The following PRL variants were observed in gnomAD, a reference collection of about 807,000 sequenced individuals.
PRL encodes the protein decidual prolactin.
PRL carries 24 observed loss-of-function variants against 21.3 expected under a neutral mutation model. The observed-to-expected ratio is 1.13, with a 90% confidence interval of 0.82 to 1.59. The LOEUF is 1.59. Ranked by LOEUF, PRL falls within the 40% of genes most tolerant of loss-of-function variation. The pLI is 0.00. For synonymous variants in PRL, 118 were observed against 115.7 expected, an observed-to-expected ratio of 1.02 and a Z score of -0.13; for missense variants, 243 against 286.9, an observed-to-expected ratio of 0.85 and a Z score of 1.10.
In PRL at chr6:22,291,714, T is replaced by C. The variant is rs542025345; in HGVS notation, c.312+824A>G. Among the ~76,000 whole-genome samples, 42 of 152,318 alleles carry C rather than the reference T, an allele frequency of 2.8e-4. No homozygotes were observed. The South Asian group carries it at 8.3e-3, about 30-fold the overall frequency. ...TTATCATAATTATTATTAATGAACATAGCAGACAGAAATGTTGGTGCCATT... is the reference window on the plus strand; with the variant it reads ...TTATCATAATTATTATTAATGAACACAGCAGACAGAAATGTTGGTGCCATT... On this transcript the variant is annotated intron_variant, in intron 3 of 4. Coordinates refer to ENST00000306482, the MANE Select transcript of PRL (RefSeq NM_000948.6).
At position 22,297,034 on chromosome 6, in the gene PRL, C is replaced by T. The variant is rs1380149217; in HGVS notation, c.-52G>A. ...TTCACCAGAGAAGATCTGGAAGTCT[C>T]ACGGTTTTCTCTTTCCCAGATATTG... On this transcript the variant is annotated 5_prime_UTR_variant, in exon 1 of 5. Coordinates refer to ENST00000306482, the MANE Select transcript of PRL (RefSeq NM_000948.6). 6.3e-7 allele frequency: 1 copy of T among 1,598,230 alleles called. No homozygotes were observed. Among genetic ancestry groups the T allele is most frequent in the East Asian group, 2.2e-5 (1 of 44,808 alleles).
intron 4 of PRL, 87 bp from the exon 5 acceptor site, chr6:22,287,680 G>A: frequency 8.2e-7 from 1 of 1,218,012 alleles, no homozygotes; most frequent in Non-Finnish European, 1.1e-6. Flanking sequence ...ATTAAGAATT[G>A]AGAATGAGAT....
At chr6:22,293,236 A>G (rs2113508036) in intron 2 of PRL, among the ~76,000 whole-genome samples, 1 of 152,302 alleles carries the variant, frequency 6.6e-6, no homozygotes, top group East Asian at 1.9e-4. Context: ...CAGGGCACAC[A>G]ATTTTAGGAA....
chr6:22,296,076 G>C (rs1414968750), intron 1 of PRL, among the ~76,000 whole-genome samples: 1 of 152,126 alleles, frequency 6.6e-6, no homozygotes, highest in Non-Finnish European at 1.5e-5. Flanking sequence ...TTATCTGTAT[G>C]TGTAAATAAA....
At chr6:22,290,101 G>C in intron 4 of PRL, 73 bp downstream of exon 4, 1 of 1,349,512 alleles carries the variant, frequency 7.4e-7, no homozygotes, top group Non-Finnish European at 9.7e-7. Flanking sequence ...CTTTCAAAGG[G>C]AAATATTTAT....
upstream of PRL, among the ~76,000 whole-genome samples, chr6:22,299,877 G>T (rs528005070): frequency 6.6e-6 from 1 of 152,032 alleles, no homozygotes; most frequent in Non-Finnish European, 1.5e-5. Context: ...AACCTAGGAG[G>T]TGTCTACTGC....
intron 1 of PRL, 152 bp downstream of exon 1, chr6:22,296,803 G>T (rs2113516042): frequency 1.4e-6 from 1 of 722,690 alleles, no homozygotes; most frequent in Non-Finnish European, 2.3e-6. Flanking sequence ...CTGTTCTATG[G>T]TGCCCTTGTA....
chr6:22,293,678 GGAAGGAAAA>G (rs1761110492), intron 2 of PRL, among the ~76,000 whole-genome samples: 3 of 39,064 alleles, frequency 7.7e-5, no homozygotes, highest in East Asian at 9.3e-4. Context: ...AAGGAGGGAA[GGAAGGAAAA>G]AAGGAAGGAA....
upstream of PRL, among the ~76,000 whole-genome samples, chr6:22,302,326 GA>G (rs67991403): frequency 0.67 from 99,035 of 147,574 alleles, 32,883 homozygotes; most frequent in East Asian, 0.95. Flanking sequence ...ACAGAAAATA[GA>G]AAAAAAAAAA....
intron 2 of PRL, among the ~76,000 whole-genome samples, chr6:22,293,803 G>C (rs1037660886): frequency 1.8e-4 from 17 of 95,392 alleles, no homozygotes; most frequent in Admixed American, 1.2e-3. Context: ...AAGGAGGGAA[G>C]GAAGGAAGGA....
intron 2 of PRL, 107 bp downstream of exon 2, chr6:22,294,302 T>A: frequency 5.4e-6 from 7 of 1,287,746 alleles, no homozygotes; most frequent in Non-Finnish European, 6.7e-6. Context: ...TGTTAAAATG[T>A]ATCGTTTGAA....
chr6:22,301,344 T>A (rs761496258), upstream of PRL, among the ~76,000 whole-genome samples: 8 of 152,290 alleles, frequency 5.3e-5, no homozygotes, highest in Non-Finnish European at 1.2e-4. Context: ...ACAGGCACCA[T>A]CAAATAGAAC....
rs192629459 is a variant in PRL, at chr6:22,290,365, T to C, written c.313-12A>G. The C allele has an allele frequency of 2.1e-3, 3,209 of 1,561,796 alleles. 4 individuals carry two copies. The highest frequency in any genetic ancestry group is 2.6e-3 in the Non-Finnish European group (3,004 of 1,143,790). On this transcript the variant is annotated splice_polypyrimidine_tract_variant and intron_variant, in intron 3 of 4. Transcript: ENST00000306482. ...AGAAAGTCTTTTTGCTACGAAACCA[T>C]ATAGAACAATTGCATTAAAATAGGT... is the stretch of plus-strand genomic sequence containing the variant.
chr6:22,290,025 CTA>C, intron 4 of PRL, 147 bp downstream of exon 4: 2 of 680,894 alleles, frequency 2.9e-6, no homozygotes, highest in Non-Finnish European at 4.2e-6. Flanking sequence ...AAATTTATGA[CTA>C]TGAATGACTA....
chr6:22,291,643 C>T (rs1263758806), intron 3 of PRL, among the ~76,000 whole-genome samples: 2 of 151,960 alleles, frequency 1.3e-5, no homozygotes, highest in East Asian at 3.9e-4. Context: ...ATAAATATTT[C>T]CTCTTCCTCC....
Position 22,287,359 on chromosome 6 carries a change from A to T in PRL, c.*43T>A. On this transcript the variant is annotated 3_prime_UTR_variant, in exon 5 of 5. Coordinates refer to ENST00000306482, the MANE Select transcript of PRL (RefSeq NM_000948.6). The stretch of plus-strand genomic sequence containing the variant: ...CTAAAAGAAGCTTGCAATGGAACGG[A>T]TCATTAAGGACCTTCTCAGAAATAG... 1 of 1,550,200 alleles carries T rather than the reference A, an allele frequency of 6.5e-7. No homozygotes were observed. The highest frequency in any genetic ancestry group is 2.3e-5 in the East Asian group (1 of 43,904).
chr6:22,291,629 C>A (rs576467409), intron 3 of PRL, among the ~76,000 whole-genome samples: 1 of 152,146 alleles, frequency 6.6e-6, no homozygotes, highest in South Asian at 2.1e-4. Context: ...ACCTGTAGAT[C>A]TCAATAAATA....
Position 22,288,832 on chromosome 6 carries a change from A to C in PRL, c.493-1239T>G, listed in dbSNP as rs1445175337. 6.6e-6 allele frequency among the ~76,000 whole-genome samples: 1 copy of C among 152,124 alleles called. No homozygotes were observed. The highest frequency in any genetic ancestry group is 1.5e-5 in the Non-Finnish European group (1 of 68,024). On this transcript the variant is annotated intron_variant, in intron 4 of 4. Transcript: ENST00000306482. The surrounding 1 kb of genome is among the most constrained non-coding windows in gnomAD (Gnocchi z 4.5). ...TCCTACAAAGTGAGAATATTTTTCA[A>C]ATCTGGGATTCCCTATTGGAATTTA...
chr6:22,294,265 T>C (rs1163878199), intron 2 of PRL, 144 bp downstream of exon 2: 1 of 869,632 alleles, frequency 1.1e-6, no homozygotes, highest in East Asian at 2.5e-5. Context: ...TTGTTCCACA[T>C]CTTATGAGCT....
Sources: allele counts gnomAD v4.1 joint callset (sites outside exome capture counted in the v4.1 genomes callset), GRCh38; gene constraint gnomAD v4.1.1; non-coding constraint Gnocchi (gnomAD v3.1); transcripts MANE v1.5; gene names NCBI Gene and HGNC (gene_info 2026-07-23, HGNC 2026-07-21).